The following WTIP variants were observed in gnomAD, a reference collection of about 807,000 sequenced individuals.
WTIP encodes WT1 interacting protein, also known as Wilms tumor protein 1-interacting protein.
WTIP carries 23 observed loss-of-function variants against 41.7 expected under a neutral mutation model. That is an observed-to-expected ratio of 0.55 (90% CI 0.40 to 0.78). The LOEUF is 0.78. Ranked by LOEUF, WTIP falls within the 30% of genes least tolerant of loss-of-function variation. WTIP has a pLI of 0.00. For synonymous variants in WTIP, 314 were observed against 269.9 expected (o/e 1.16, Z -1.60); for missense variants, 619 against 610.5 (o/e 1.01, Z -0.15).
At chr19:34,499,755 A>T (rs886436913) in intron 7 of WTIP, among the ~76,000 whole-genome samples, 2 of 150,986 alleles carry the variant, frequency 1.3e-5, no homozygotes, top group African/African-American at 4.9e-5. Flanking sequence ...GCTGGAATGC[A>T]ATGGCAGGCT....
rs1012064908 is a variant in WTIP, at chr19:34,493,739, C to T, written c.1031+117C>T. 5.7e-5 allele frequency: 82 copies of T among 1,428,248 alleles called. No homozygotes were observed. The highest frequency in any genetic ancestry group is 2.7e-4 in the Admixed American group (15 of 56,552). 88.5% of individuals were successfully genotyped at this position (1,428,248 alleles called of 1,614,324 possible). On this transcript the variant is annotated intron_variant, in intron 5 of 7. Coordinates refer to ENST00000590071, the MANE Select transcript of WTIP (RefSeq NM_001080436.2). The surrounding 1 kb of genome is among the most constrained non-coding windows in gnomAD (Gnocchi z 4.1). ...TTGTTCTTGGCCTTTTGCCTTCCGC[C>T]TCCCCTTGTACACCTGGGCTTGGGG... is the stretch of plus-strand genomic sequence containing the variant.
At chr19:34,487,589 G>A (rs2075804117) in intron 1 of WTIP, among the ~76,000 whole-genome samples, 1 of 152,254 alleles carries the variant, frequency 6.6e-6, no homozygotes, top group South Asian at 2.1e-4. Flanking sequence ...AGCAAGATCA[G>A]AATGGAAAGT....
rs28450579 is a variant in WTIP, at chr19:34,508,712, G to A, written c.*8443G>A. 38,034 of 152,270 alleles carry A rather than the reference G, an allele frequency of 0.25. 5,222 individuals carry two copies. The highest frequency in any genetic ancestry group is 0.44 in the East Asian group (2,281 of 5,126). 9.4% of individuals were successfully genotyped at this position (152,270 alleles called of 1,614,324 possible). On this transcript the variant is annotated 3_prime_UTR_variant, in exon 8 of 8. Transcript: ENST00000590071. ...CCTCTCCCCCTGCCTTCTGGGACTG[G>A]AAGTTCCTAGGAGTCCGGAAGTGCT...
intron 1 of WTIP, among the ~76,000 whole-genome samples, chr19:34,489,096 G>A (rs548697324): frequency 6.7e-6 from 1 of 149,672 alleles, no homozygotes; most frequent in East Asian, 2.0e-4. Flanking sequence ...CTACTCGGGA[G>A]GCTGAGGCAG....
At chr19:34,491,895 T>C (rs2965283) in intron 2 of WTIP, among the ~76,000 whole-genome samples, 140,853 of 151,500 alleles carry the variant, frequency 0.93, 65,635 homozygotes, top group African/African-American at 0.97. Flanking sequence ...CCATCTGCCT[T>C]GGCCTCCCAA....
Position 34,482,298 on chromosome 19 carries a change from C to T in WTIP, c.324C>T (p.Ser108=). The T allele has an allele frequency of 7.4e-7, 1 of 1,359,940 alleles. No homozygotes were observed. Among genetic ancestry groups the T allele is most frequent in the Non-Finnish European group, 9.5e-7 (1 of 1,048,480 alleles). 84.2% of individuals were successfully genotyped at this position (1,359,940 alleles called of 1,614,324 possible). A position where few individuals can be genotyped will look rare whatever the true frequency, so the allele number is the denominator to read the frequency against. The change falls in exon 1 of 8, where the codon AGC becomes AGT. Residue 108 remains serine (S), a synonymous_variant. Coordinates refer to ENST00000590071, the MANE Select transcript of WTIP (RefSeq NM_001080436.2). ...GCGGTGGCGGCAGCGCCCGATCCAG[C>T]GGCATCAGCCTGGGCTACGACCAGC... is the stretch of plus-strand genomic sequence containing the variant. ...GGGGGGSARS[S]GISLGYDQRH... is the part of the protein sequence containing the mutation.
intron 1 of WTIP, among the ~76,000 whole-genome samples, chr19:34,486,368 G>T (rs3976811): frequency 0.043 from 5,645 of 131,942 alleles, 159 homozygotes; most frequent in Admixed American, 0.11. Flanking sequence ...TTGTCAGTTT[G>T]TTTTTTTTTT....
intron 1 of WTIP, 65 bp from the exon 2 acceptor site, chr19:34,490,311 G>T: frequency 1.3e-6 from 2 of 1,492,602 alleles, no homozygotes; most frequent in South Asian, 1.1e-5. Flanking sequence ...TCAAGACGGG[G>T]AGTCCGTCGG....
chr19:34,487,212 C>T (rs1197290921), intron 1 of WTIP, among the ~76,000 whole-genome samples: 1 of 149,824 alleles, frequency 6.7e-6, no homozygotes, highest in Non-Finnish European at 1.5e-5. Flanking sequence ...GCAAGCGATT[C>T]TCCCACCTCA....
At chr19:34,487,777 G>A (rs1182086089) in intron 1 of WTIP, among the ~76,000 whole-genome samples, 2 of 152,074 alleles carry the variant, frequency 1.3e-5, no homozygotes, top group Admixed American at 1.3e-4. Flanking sequence ...GCTGGCAGAA[G>A]ATTTACGGTC....
At chr19:34,489,714 A>G (rs1004614619) in intron 1 of WTIP, among the ~76,000 whole-genome samples, 5 of 152,242 alleles carry the variant, frequency 3.3e-5, no homozygotes, top group African/African-American at 1.2e-4. Flanking sequence ...AAGCCCAGGC[A>G]GGAGGATTGT....
In WTIP at chr19:34,507,831, A is replaced by G. The variant is rs184079053; in HGVS notation, c.*7562A>G. 3 of 152,346 alleles carry G rather than the reference A, an allele frequency of 2.0e-5. No individual in the cohort carries two copies. The East Asian group carries it at 5.8e-4, about 29-fold the overall frequency. The allele number at this position is 152,346 out of a possible 1,614,324, so 9.4% of individuals were successfully genotyped here. On this transcript the variant is annotated 3_prime_UTR_variant, in exon 8 of 8. Transcript: ENST00000590071. ...GATGATAAATGATGCACAGATTTCA[A>G]TCCATCCTACGGCTTCAGCCTCCAG...
chr19:34,484,074 G>A (rs1206046016), intron 1 of WTIP, among the ~76,000 whole-genome samples: 1 of 151,940 alleles, frequency 6.6e-6, no homozygotes, highest in Non-Finnish European at 1.5e-5. Flanking sequence ...TTACAGGCAT[G>A]CGCCACCACG....
chr19:34,482,120 TG>T lies in WTIP; in HGVS notation c.149del (p.Gly50AlafsTer17). 9.5e-7 allele frequency: 1 copy of T among 1,049,712 alleles called. No homozygotes were observed. Among genetic ancestry groups the T allele is most frequent in the Non-Finnish European group, 1.1e-6 (1 of 873,292 alleles). The allele number at this position is 1,049,712 out of a possible 1,614,324, so 65.0% of individuals were successfully genotyped here. On this transcript the variant is annotated frameshift_variant, in exon 1 of 8. Coordinates refer to ENST00000590071, the MANE Select transcript of WTIP (RefSeq NM_001080436.2). LOFTEE classifies it high-confidence loss of function. ...PGPGDEAAPA[L>X]GRRGKGSGGP... is the part of the protein sequence containing the mutation. ...CCTGGAGACGAGGCGGCGCCCGCGC[TG>T]GGCCGCAGAGGGAAGGGCAGCGGCG...
At chr19:34,499,225 A>G (rs1463551163) in intron 7 of WTIP, among the ~76,000 whole-genome samples, 1 of 148,198 alleles carries the variant, frequency 6.7e-6, no homozygotes, top group Non-Finnish European at 1.5e-5. Flanking sequence ...ATAAACAAAA[A>G]ACAGGCCAGG....
chr19:34,483,917 CTTTTTTTTTTTTTTTTT>C (rs61308943), intron 1 of WTIP, among the ~76,000 whole-genome samples: 1 of 66,842 alleles, frequency 1.5e-5, no homozygotes, highest in African/African-American at 5.6e-5. Flanking sequence ...TGAACTGGAT[CTTTTTTTTTTTTTTTTT>C]TTTTTTTTTT....
intron 1 of WTIP, among the ~76,000 whole-genome samples, chr19:34,489,924 A>T (rs892102385): frequency 6.6e-6 from 1 of 152,060 alleles, no homozygotes; most frequent in African/African-American, 2.4e-5. Flanking sequence ...ACAGAGCGAG[A>T]TCCTGTCTCT....
At chr19:34,492,996 C>T (rs2075833300) in intron 2 of WTIP, 41 bp from the exon 3 acceptor site, 9 of 1,610,350 alleles carry the variant, frequency 5.6e-6, no homozygotes, top group Non-Finnish European at 6.8e-6. Flanking sequence ...ATCCCTGGTC[C>T]CCAGCGTTCC....
intron 1 of WTIP, among the ~76,000 whole-genome samples, chr19:34,486,086 T>A (rs2075795718): frequency 6.7e-6 from 1 of 148,394 alleles, no homozygotes; most frequent in Non-Finnish European, 1.5e-5. Context: ...GTGACCTCCT[T>A]GCCTTCTCTT....
Sources: allele counts gnomAD v4.1 joint callset (sites outside exome capture counted in the v4.1 genomes callset), GRCh38; gene constraint gnomAD v4.1.1; non-coding constraint Gnocchi (gnomAD v3.1); transcripts MANE v1.5; gene names NCBI Gene and HGNC (gene_info 2026-07-23, HGNC 2026-07-21).